Variants in MAPK10 observed in about 807,000 individuals in gnomAD.
The protein encoded by MAPK10 is JNK3 alpha protein kinase.
In MAPK10, 25 loss-of-function variants were observed where a neutral mutation model predicts 59.3. The observed-to-expected ratio is 0.42, with a 90% confidence interval of 0.31 to 0.59. The LOEUF is 0.59. Ranked by LOEUF, MAPK10 falls within the 20% of genes least tolerant of loss-of-function variation. MAPK10 has a pLI of 0.15. For synonymous variants in MAPK10, 190 were observed against 200.5 expected, an observed-to-expected ratio of 0.95 and a Z score of 0.44; for missense variants, 351 against 568.9, an observed-to-expected ratio of 0.62 and a Z score of 3.90.
rs111432292 is a variant in MAPK10 at position 86,257,604 on chromosome 4, C to T, written c.-6-63197G>A. The stretch of plus-strand genomic sequence containing the variant: ...ATGAAATTAGTCCTCACGTGGTTGA[C>T]CAGTTTGATAATCTTGCCTCACACT... On this transcript the variant is annotated intron_variant, in intron 2 of 13. Coordinates refer to ENST00000641462, the MANE Select transcript of MAPK10 (RefSeq NM_138982.4). 2.4e-4 allele frequency among the ~76,000 whole-genome samples: 36 copies of T among 152,310 alleles called. No individual in the cohort carries two copies. The Middle Eastern group carries it at 0.01, about 43-fold the overall frequency.
chr4:86,467,455 G>T (rs1752301328), intron 1 of MAPK10, among the ~76,000 whole-genome samples: 1 of 152,152 alleles, frequency 6.6e-6, no homozygotes, highest in African/African-American at 2.4e-5. Flanking sequence ...CTTAAATCAG[G>T]TGATGTATAG....
At chr4:86,550,374 TA>T (rs753508493) in intron 1 of MAPK10, among the ~76,000 whole-genome samples, 86 of 77,364 alleles carry the variant, frequency 1.1e-3, no homozygotes, top group African/African-American at 4.3e-3. Context: ...GAGCTTCAGT[TA>T]AAAAAAAAAA....
In MAPK10 at chr4:86,547,000, C is replaced by T. The variant is rs192122217; in HGVS notation, c.-263+46910G>A. On this transcript the variant is annotated intron_variant, in intron 1 of 4. Coordinates refer to the MAPK10 transcript ENST00000502302. ...GAACCCGGAAGGTGGAGCTTGCAGC[C>T]GAGATTGCGCCACTGCACTCCAGCC... is the stretch of plus-strand genomic sequence containing the variant. 5.3e-5 allele frequency among the ~76,000 whole-genome samples: 8 copies of T among 152,170 alleles called. No individual in the cohort carries two copies. The East Asian group carries it at 1.2e-3, about 22-fold the overall frequency.
intron 2 of MAPK10, chr4:86,321,847 C>T (rs1053708095): frequency 2.6e-5 from 4 of 151,854 alleles, no homozygotes; most frequent in Non-Finnish European, 5.9e-5. Context: ...AACATACCTC[C>T]TTTTAAATTT....
intron 1 of MAPK10, among the ~76,000 whole-genome samples, chr4:86,370,219 T>G (rs947144562): frequency 6.6e-6 from 1 of 152,172 alleles, no homozygotes; most frequent in African/African-American, 2.4e-5. Context: ...ACTATAGAAC[T>G]AATAATAAAC....
At chr4:86,593,084 T>G (rs1763201737) in intron 1 of MAPK10, among the ~76,000 whole-genome samples, 1 of 152,214 alleles carries the variant, frequency 6.6e-6, no homozygotes, top group South Asian at 2.1e-4. Flanking sequence ...TCTATCATAG[T>G]TATTCATTTA....
chr4:86,177,919 C>G (rs2076046042), intron 3 of MAPK10, among the ~76,000 whole-genome samples: 1 of 151,906 alleles, frequency 6.6e-6, no homozygotes, highest in Non-Finnish European at 1.5e-5. Context: ...CTAATCAAGT[C>G]ATCTAATAAT....
chr4:86,188,077 A>T (rs142801639), intron 3 of MAPK10, among the ~76,000 whole-genome samples: 3 of 151,936 alleles, frequency 2.0e-5, no homozygotes, highest in Non-Finnish European at 2.9e-5. Context: ...AAGGACATGA[A>T]CTCATCCTTT....
intron 4 of MAPK10, among the ~76,000 whole-genome samples, chr4:86,138,878 C>T (rs1248989077): frequency 2.0e-5 from 3 of 152,008 alleles, no homozygotes; most frequent in African/African-American, 7.2e-5. Context: ...CACAAGCATT[C>T]TTATACACCA....
At chr4:86,339,841 G>A (rs1723834788) in intron 2 of MAPK10, among the ~76,000 whole-genome samples, 1 of 152,134 alleles carries the variant, frequency 6.6e-6, no homozygotes, top group Non-Finnish European at 1.5e-5. Context: ...GTGTCATAAG[G>A]ATTATAAAAA....
Position 86,240,277 on chromosome 4 carries a change from C to T in MAPK10, c.-6-45870G>A, listed in dbSNP as rs553703663. On this transcript the variant is annotated intron_variant, in intron 2 of 13. Transcript: ENST00000641462. ...AGTGTTTTACTTCCAATTATGTGGT[C>T]GATTTTAGAATAAGTGCCATGTGGC... Among the ~76,000 whole-genome samples the T allele has an allele frequency of 5.9e-5, 9 of 152,172 alleles. No individual in the cohort carries two copies. In the East Asian group the frequency reaches 1.7e-3, roughly 29 times the overall value.
At chr4:86,519,710 T>C (rs1428786380) in intron 1 of MAPK10, among the ~76,000 whole-genome samples, 4 of 152,130 alleles carry the variant, frequency 2.6e-5, no homozygotes, top group Admixed American at 1.3e-4. Flanking sequence ...TTTGTACGTC[T>C]TGTGAGATTT....
At chr4:86,568,774 C>T (rs1156449030) in intron 1 of MAPK10, among the ~76,000 whole-genome samples, 1 of 152,114 alleles carries the variant, frequency 6.6e-6, no homozygotes, top group Non-Finnish European at 1.5e-5. Flanking sequence ...TTCTCTTTCT[C>T]ACCATATATA....
Position 86,353,375 on chromosome 4 carries a change from T to C in MAPK10, c.-7+1155A>G, listed in dbSNP as rs183245058. On this transcript the variant is annotated intron_variant, in intron 2 of 13. Coordinates refer to ENST00000641462, the MANE Select transcript of MAPK10 (RefSeq NM_138982.4). ...TCTCAATAAGAGTTTGATTAATGAATTAATATTCAGAATGGAGAGAACATG... is the reference window on the plus strand; with the variant it reads ...TCTCAATAAGAGTTTGATTAATGAACTAATATTCAGAATGGAGAGAACATG... Among the ~76,000 whole-genome samples, 16 of 152,306 alleles carry C rather than the reference T, an allele frequency of 1.1e-4. No homozygotes were observed. The East Asian group carries it at 3.1e-3, about 29-fold the overall frequency.
intron 1 of MAPK10, among the ~76,000 whole-genome samples, chr4:86,434,036 G>A (rs1277527515): frequency 6.6e-6 from 1 of 152,160 alleles, no homozygotes; most frequent in Non-Finnish European, 1.5e-5. Flanking sequence ...ATAGAGTCAT[G>A]ATGTAAAATA....
chr4:86,384,696 T>C (rs1281962385), intron 1 of MAPK10, among the ~76,000 whole-genome samples: 2 of 152,166 alleles, frequency 1.3e-5, no homozygotes, highest in African/African-American at 2.4e-5. Flanking sequence ...ATGCTTTCAA[T>C]GTGGAGACGA....
chr4:86,135,879 A>G (rs1203519722), intron 4 of MAPK10, among the ~76,000 whole-genome samples: 7 of 152,342 alleles, frequency 4.6e-5, no homozygotes, highest in South Asian at 4.1e-4. Flanking sequence ...CGAGAACTAC[A>G]TGAAGAATGC....
At chr4:86,276,157 T>C (rs985533869) in intron 2 of MAPK10, among the ~76,000 whole-genome samples, 1 of 152,124 alleles carries the variant, frequency 6.6e-6, no homozygotes, top group Non-Finnish European at 1.5e-5. Flanking sequence ...TTTTGTTGGG[T>C]TTATATTTAA....
chr4:86,478,023 A>G (rs1210405828), intron 1 of MAPK10, among the ~76,000 whole-genome samples: 1 of 152,078 alleles, frequency 6.6e-6, no homozygotes, highest in African/African-American at 2.4e-5. Flanking sequence ...ATCTCGGCAT[A>G]ATTATCATAA....
Sources: gnomAD v4.1 joint callset for allele counts (sites outside exome capture counted in the v4.1 genomes callset) on GRCh38, gnomAD v4.1.1 for gene constraint, MANE v1.5 for transcripts, NCBI Gene and HGNC (gene_info 2026-07-23, HGNC 2026-07-21) for gene names.